The following DMD variants were observed in gnomAD, a reference collection of about 807,000 sequenced individuals.
DMD encodes the protein dystrophin.
DMD carries 63 observed loss-of-function variants against 330.1 expected under a neutral mutation model. The observed-to-expected ratio is 0.19, with a 90% CI of 0.16 to 0.24. The LOEUF (loss-of-function observed/expected upper bound fraction) is 0.24. DMD is among the 10% of genes least tolerant of loss of function. The probability of loss-of-function intolerance (pLI) is 1.00; values close to 1 mark genes in which losing one functional copy is unlikely to be tolerated. For synonymous variants in DMD, 1,223 were observed against 959.8 expected, an observed-to-expected ratio of 1.27 and a Z score of -5.07; for missense variants, 3,344 against 2,684.1, an observed-to-expected ratio of 1.25 and a Z score of -5.43.
intron 7 of DMD, among the ~76,000 whole-genome samples, chrX:32,741,975 G>A (rs560750307): frequency 4.2e-4 from 47 of 111,749 alleles, no homozygotes; most frequent in Middle Eastern, 4.6e-3. Flanking sequence ...GGCAAAAACC[G>A]TGATTACTTT....
intron 1 of DMD, among the ~76,000 whole-genome samples, chrX:33,185,013 C>T (rs1333269799): frequency 1.8e-5 from 2 of 110,306 alleles, no homozygotes; most frequent in Non-Finnish European, 3.8e-5. Context: ...TGAGCCACCG[C>T]GCCCGGCCCA....
intron 41 of DMD, among the ~76,000 whole-genome samples, chrX:32,335,825 TTATA>T (rs1325555768): frequency 9.5e-6 from 1 of 105,405 alleles, no homozygotes; most frequent in East Asian, 3.2e-4. Context: ...GTATAACATG[TTATA>T]TATAACGTGC....
chrX:32,220,436 T>C (rs1055221631), intron 43 of DMD, among the ~76,000 whole-genome samples: 2 of 111,500 alleles, frequency 1.8e-5, no homozygotes, highest in South Asian at 3.7e-4. Context: ...AATCATGGGC[T>C]TTACATGTGA....
At chrX:32,369,840 G>A (rs1017808927) in intron 34 of DMD, among the ~76,000 whole-genome samples, 12 of 110,760 alleles carry the variant, frequency 1.1e-4, no homozygotes, top group African/African-American at 3.3e-4. Flanking sequence ...ATTTACCTAC[G>A]TACCTTAACA....
At chrX:32,786,319 T>C (rs2075357635) in intron 7 of DMD, among the ~76,000 whole-genome samples, 1 of 110,310 alleles carries the variant, frequency 9.1e-6, no homozygotes, top group Non-Finnish European at 1.9e-5. Flanking sequence ...TAAGAGATGT[T>C]CACATCACGA....
intron 7 of DMD, among the ~76,000 whole-genome samples, chrX:32,761,760 T>C (rs2072325518): frequency 9.0e-6 from 1 of 111,471 alleles, no homozygotes; most frequent in African/African-American, 3.3e-5. Context: ...AAATCTGTAG[T>C]AAGGTGTAGA....
intron 2 of DMD, among the ~76,000 whole-genome samples, chrX:32,958,685 T>TTTC (rs1269845633): frequency 9.0e-6 from 1 of 111,611 alleles, no homozygotes; most frequent in African/African-American, 3.2e-5. Context: ...ATTTCTTATT[T>TTTC]TTCTTCTTCC....
chrX:31,498,894 A>C (rs544812404), intron 56 of DMD, among the ~76,000 whole-genome samples: 2 of 112,385 alleles, frequency 1.8e-5, no homozygotes, highest in African/African-American at 3.2e-5. Flanking sequence ...ATTAGAGGTC[A>C]GTTCTTTTAT....
intron 51 of DMD, among the ~76,000 whole-genome samples, chrX:31,770,673 G>T (rs1228411500): frequency 9.0e-6 from 1 of 111,513 alleles, no homozygotes; most frequent in East Asian, 2.8e-4. Context: ...AAAACTATGA[G>T]GTTTAAGGGA....
At chrX:32,264,856 G>T (rs189564956) in intron 43 of DMD, among the ~76,000 whole-genome samples, 45 of 111,887 alleles carry the variant, frequency 4.0e-4, no homozygotes, top group African/African-American at 1.5e-3. Flanking sequence ...ATTTGACTTG[G>T]GTGCTGTTAA....
chrX:32,217,242 C>T (rs72468609), intron 43 of DMD, among the ~76,000 whole-genome samples, 179 bp from the exon 44 acceptor site: 1,308 of 111,153 alleles, frequency 0.012, 11 homozygotes, highest in Non-Finnish European at 0.017. Context: ...AGCATGTACA[C>T]ACAACATTTT....
intron 44 of DMD, among the ~76,000 whole-genome samples, chrX:32,168,540 TAAAAAA>T (rs67296978): frequency 7.6e-4 from 60 of 78,562 alleles, no homozygotes; most frequent in African/African-American, 2.4e-3. Flanking sequence ...ATGACAGTTA[TAAAAAA>T]AAAAAAAAAA....
chrX:31,867,531 T>A lies in DMD; in HGVS notation c.7098+7657A>T, dbSNP rs189868936. On this transcript the variant is annotated intron_variant, in intron 48 of 78. Coordinates refer to ENST00000357033, the MANE Select transcript of DMD (RefSeq NM_004006.3). ...GTCAATTCTTAAATAAAATTTTTTT[T>A]AATCTCAGATTGGTTTGAAAAATTT... Among the ~76,000 whole-genome samples the A allele has an allele frequency of 8.1e-3, 897 of 111,174 alleles. 8 individuals are homozygous for A. The highest frequency in any genetic ancestry group is 0.028 in the African/African-American group (851 of 30,640).
At chrX:32,750,299 T>C (rs769983237) in intron 7 of DMD, among the ~76,000 whole-genome samples, 2 of 111,929 alleles carry the variant, frequency 1.8e-5, no homozygotes, top group Non-Finnish European at 3.8e-5. Flanking sequence ...GATTAAAATA[T>C]AAATACATTT....
intron 54 of DMD, among the ~76,000 whole-genome samples, chrX:31,630,735 T>G (rs1033072374): frequency 8.9e-6 from 1 of 111,883 alleles, no homozygotes; most frequent in Non-Finnish European, 1.9e-5. Context: ...AATTAGATTT[T>G]TTTTTAAATT....
intron 7 of DMD, among the ~76,000 whole-genome samples, chrX:32,803,625 T>C (rs1029762836): frequency 8.9e-6 from 1 of 111,827 alleles, no homozygotes; most frequent in Non-Finnish European, 1.9e-5. Flanking sequence ...TCTAAACACT[T>C]CTTTAGCTGT....
chrX:31,884,198 T>C (rs1168229183), intron 47 of DMD, among the ~76,000 whole-genome samples: 1 of 111,848 alleles, frequency 8.9e-6, no homozygotes, highest in Non-Finnish European at 1.9e-5. Flanking sequence ...TGCCCTCTCA[T>C]GTTTACTGCG....
At chrX:32,387,982 T>C in intron 32 of DMD, among the ~76,000 whole-genome samples, 1 of 111,791 alleles carries the variant, frequency 8.9e-6, no homozygotes, top group Non-Finnish European at 1.9e-5. Context: ...AGTAAGACTT[T>C]TATAAATAGA....
intron 2 of DMD, among the ~76,000 whole-genome samples, chrX:32,964,585 G>A (rs1052462158): frequency 1.8e-5 from 2 of 110,413 alleles, no homozygotes; most frequent in African/African-American, 6.6e-5. Flanking sequence ...GCGTGCGCCT[G>A]TAATCCCAGC....
Sources: gnomAD v4.1 joint callset for allele counts (sites outside exome capture counted in the v4.1 genomes callset) on GRCh38, gnomAD v4.1.1 for gene constraint, MANE v1.5 for transcripts, NCBI Gene and HGNC (gene_info 2026-07-23, HGNC 2026-07-21) for gene names.